Variants in CNGA4 observed in about 807,000 individuals in gnomAD.
The protein encoded by CNGA4 is cyclic nucleotide gated channel subunit alpha 4, also known as cyclic nucleotide-gated channel alpha-4.
In CNGA4, 32 loss-of-function variants were observed where a neutral mutation model predicts 45.6. The observed-to-expected ratio is 0.70, with a 90% CI of 0.53 to 0.94. The LOEUF (loss-of-function observed/expected upper bound fraction) is 0.94, where lower values mean the gene tolerates loss of function less well. Ranked by LOEUF, CNGA4 falls within the 40% of genes least tolerant of loss-of-function variation. The pLI, the probability that CNGA4 is intolerant of heterozygous loss-of-function variation, is 0.00. For missense variants in CNGA4, 726 were observed against 755.1 expected (o/e 0.96, Z 0.45); for synonymous variants, 293 against 304.6 (o/e 0.96, Z 0.40).
Position 6,243,945 on chromosome 11 carries a change from A to C in CNGA4, c.1268-4A>C. The C allele has an allele frequency of 1.9e-6, 3 of 1,610,928 alleles. No individual in the cohort carries two copies. The highest frequency in any genetic ancestry group is 2.5e-6 in the Non-Finnish European group (3 of 1,178,078). On this transcript the variant is annotated splice_region_variant and splice_polypyrimidine_tract_variant and intron_variant, in intron 5 of 5. Transcript: ENST00000379936. ...GTCCTCCCATCTCTGCCCATGAGCC[A>C]CAGGGAACATGTCTGGGAACCGCCG...
upstream of CNGA4, among the ~76,000 whole-genome samples, chr11:6,237,459 G>A (rs57528411): frequency 0.094 from 14,225 of 151,976 alleles, 1,079 homozygotes; most frequent in East Asian, 0.24. Flanking sequence ...GTTCTCGGGA[G>A]CCACTATATG....
At chr11:6,243,154 C>T (rs1033464609) in intron 5 of CNGA4, among the ~76,000 whole-genome samples, 4 of 152,160 alleles carry the variant, frequency 2.6e-5, no homozygotes, top group African/African-American at 7.2e-5. Flanking sequence ...CCCACTTGTC[C>T]CCCTCCTCCC....
Position 6,239,366 on chromosome 11 carries a change from A to G in CNGA4, c.63-18A>G, listed in dbSNP as rs1350395344. 4 of 1,613,876 alleles carry G rather than the reference A, an allele frequency of 2.5e-6. No homozygotes were observed. The East Asian group carries it at 8.9e-5, about 36-fold the overall frequency. On this transcript the variant is annotated intron_variant, in intron 1 of 5. Coordinates refer to ENST00000379936, the MANE Select transcript of CNGA4 (RefSeq NM_001037329.4). ...GAATGCCTGGTGAATAAATGAAGCAAGACTTTCTTTCTTACAGGAAGTTGC... is the reference window on the plus strand; with the variant it reads ...GAATGCCTGGTGAATAAATGAAGCAGGACTTTCTTTCTTACAGGAAGTTGC...
chr11:6,240,203 C>T lies in CNGA4; in HGVS notation c.409C>T (p.Pro137Ser). The change falls in exon 4 of 6, where the codon CCC becomes TCC. Residue 137 changes from proline to serine, a missense_variant. Coordinates refer to ENST00000379936, the MANE Select transcript of CNGA4 (RefSeq NM_001037329.4). The surrounding 1 kb of genome is among the most constrained non-coding windows in gnomAD (Gnocchi z 4.9). ...CTACGTGCGGCTGGGCCCGCACACA[C>T]CCACCCTGAGGCTGAACCGCTTTCT... ...VVYVRLGPHTPTLRLNRFLRA... is the reference protein window; with the variant it reads ...VVYVRLGPHTSTLRLNRFLRA... 6.2e-7 allele frequency: 1 copy of T among 1,614,236 alleles called. No homozygotes were observed. The highest frequency in any genetic ancestry group is 8.5e-7 in the Non-Finnish European group (1 of 1,180,048).
rs1247004691 is a variant in CNGA4, at chr11:6,241,647, A to G, written c.1134A>G (p.Lys378=). ...TYSPGEYVCR[K]GDIGQEMYII... ...CACCAGGTGAATATGTATGCCGCAA[A>G]GGAGACATTGGCCAAGAGATGTACA... Residue 378 remains lysine (K), a synonymous_variant, in exon 5 of 6, where the codon AAA becomes AAG. Coordinates refer to ENST00000379936, the MANE Select transcript of CNGA4 (RefSeq NM_001037329.4). The G allele has an allele frequency of 1.9e-6, 3 of 1,614,218 alleles. No homozygotes were observed. The highest frequency in any genetic ancestry group is 4.5e-5 in the East Asian group (2 of 44,876).
intron 5 of CNGA4, among the ~76,000 whole-genome samples, chr11:6,243,378 G>A (rs1847944897): frequency 1.3e-5 from 2 of 152,186 alleles, no homozygotes; most frequent in South Asian, 2.1e-4. Context: ...GAGCAGGCAT[G>A]TCACACGGTG....
chr11:6,242,048 T>C (rs568279462), intron 5 of CNGA4: 2 of 537,368 alleles, frequency 3.7e-6, no homozygotes, highest in African/African-American at 1.9e-5. Context: ...GAAGCACCAA[T>C]AGACTAGTGG....
rs1847920472 is a variant in CNGA4, at chr11:6,241,636, G to A, written c.1123G>A (p.Val375Ile). The change falls in exon 5 of 6, where the codon GTA becomes ATA. Residue 375 changes from valine (V) to isoleucine (I), a missense_variant. Val to Ile is a conservative substitution (Grantham distance 29). Transcript: ENST00000379936. ...QPQTYSPGEY[V>I]CRKGDIGQEM... ...CCAGACCTACTCACCAGGTGAATAT[G>A]TATGCCGCAAAGGAGACATTGGCCA... The A allele has an allele frequency of 6.2e-6, 10 of 1,614,236 alleles. No homozygotes were observed. The highest frequency in any genetic ancestry group is 1.7e-5 in the Admixed American group (1 of 60,032).
rs1847955999 is a variant in CNGA4, at chr11:6,244,112, G to A, written c.1431G>A (p.Lys477=). The A allele has an allele frequency of 1.2e-6, 2 of 1,614,240 alleles. No individual in the cohort carries two copies. Among genetic ancestry groups the A allele is most frequent in the Non-Finnish European group, 1.7e-6 (2 of 1,180,044 alleles). ...GTGAGATCCTGCTGAAAATGAACAA[G>A]TTGGACGTGAATGCTGAGGCAGCTG... ...KGREILLKMN[K]LDVNAEAAEI... The change falls in exon 6 of 6, where the codon AAG becomes AAA. Residue 477 remains lysine (K), a synonymous_variant. Transcript: ENST00000379936. This position sits in a 1 kb window ranked among gnomAD's most constrained non-coding sequence, Gnocchi z 4.5.
Position 6,244,215 on chromosome 11 carries a change from G to T in CNGA4, c.1534G>T (p.Ala512Ser), listed in dbSNP as rs1167675913. The change falls in exon 6 of 6, where the codon GCT (alanine) becomes TCT (serine). Residue 512 changes from alanine to serine, a missense_variant. Coordinates refer to ENST00000379936, the MANE Select transcript of CNGA4 (RefSeq NM_001037329.4). This position sits in a 1 kb window ranked among gnomAD's most constrained non-coding sequence, Gnocchi z 4.5. ...GCTGGATGATCTACAGACCAAGTTT[G>T]CTCGCCTCCTGGCTGAGCTGGAGTC... ...QQLDDLQTKF[A>S]RLLAELESSA... The T allele has an allele frequency of 3.1e-6, 5 of 1,614,130 alleles. No homozygotes were observed. Among genetic ancestry groups the T allele is most frequent in the African/African-American group, 1.3e-5 (1 of 74,946 alleles).
upstream of CNGA4, among the ~76,000 whole-genome samples, chr11:6,237,333 T>C (rs1350687030): frequency 6.6e-6 from 1 of 151,808 alleles, no homozygotes; most frequent in East Asian, 1.9e-4. Context: ...GAAGAAAAAG[T>C]GGAGGAAGAT....
In CNGA4 at chr11:6,240,025, G is replaced by T; in HGVS notation, c.272-41G>T. On this transcript the variant is annotated intron_variant, in intron 3 of 5. Transcript: ENST00000379936. The surrounding 1 kb of genome is among the most constrained non-coding windows in gnomAD (Gnocchi z 4.9). The stretch of plus-strand genomic sequence containing the variant: ...GGCAGCTCATGCTCAGCCCAAGCTT[G>T]ACTACAGCAGGTCCGCTTCCTACCG... The T allele has an allele frequency of 6.4e-7, 1 of 1,569,240 alleles. No individual in the cohort carries two copies. The highest frequency in any genetic ancestry group is 1.2e-5 in the South Asian group (1 of 82,426).
Position 6,240,474 on chromosome 11 carries a change from T to C in CNGA4, c.680T>C (p.Leu227Pro). ...QYLYSFYFST[L>P]ILTTVGDTPP... ...CTCTATAGCTTTTACTTCTCCACGC[T>C]GATACTGACTACAGTGGGCGATACA... is the stretch of plus-strand genomic sequence containing the variant. The change falls in exon 4 of 6, where the codon CTG (leucine) becomes CCG (proline). Residue 227 changes from leucine to proline, a missense_variant. Coordinates refer to ENST00000379936, the MANE Select transcript of CNGA4 (RefSeq NM_001037329.4). This position sits in a 1 kb window ranked among gnomAD's most constrained non-coding sequence, Gnocchi z 4.9. The C allele has an allele frequency of 1.2e-6, 2 of 1,614,220 alleles. No homozygotes were observed. Among genetic ancestry groups the C allele is most frequent in the Non-Finnish European group, 1.7e-6 (2 of 1,180,044 alleles).
At chr11:6,244,906 T>C (rs1348601260), downstream of CNGA4, among the ~76,000 whole-genome samples, 1 of 152,200 alleles carries the variant, frequency 6.6e-6, no homozygotes, top group Non-Finnish European at 1.5e-5. This position sits in a 1 kb window ranked among gnomAD's most constrained non-coding sequence, Gnocchi z 4.5. Context: ...CTTTTGAATG[T>C]TTCCCATATG....
Position 6,240,271 on chromosome 11 carries a change from C to A in CNGA4, c.477C>A (p.Thr159=). The part of the protein sequence containing the change: ...RLFEAFDRTE[T]RTAYPNAFRI... ...TCGAGGCCTTCGACCGCACAGAGAC[C>A]CGCACAGCTTACCCAAATGCCTTTC... is the stretch of plus-strand genomic sequence containing the variant. Residue 159 remains threonine, a synonymous_variant, in exon 4 of 6, where the codon ACC becomes ACA. Transcript: ENST00000379936. The surrounding 1 kb of genome is among the most constrained non-coding windows in gnomAD (Gnocchi z 4.9). 1 of 1,614,228 alleles carries A rather than the reference C, an allele frequency of 6.2e-7. No homozygotes were observed. Among genetic ancestry groups the A allele is most frequent in the African/African-American group, 1.3e-5 (1 of 75,070 alleles).
upstream of CNGA4, chr11:6,238,944 G>A (rs181180127): frequency 2.3e-4 from 215 of 950,992 alleles, no homozygotes; most frequent in African/African-American, 3.2e-3. Context: ...CCTTCTCCAG[G>A]GATCTCATTA....
chr11:6,236,684 G>A (rs1564875706), upstream of CNGA4, among the ~76,000 whole-genome samples: 1 of 152,122 alleles, frequency 6.6e-6, no homozygotes, highest in Non-Finnish European at 1.5e-5. Context: ...CTGAGTGCTT[G>A]GTTATATGGG....
At position 6,239,559 on chromosome 11, in the gene CNGA4, C is replaced by T; in HGVS notation, c.164+74C>T. The T allele has an allele frequency of 1.9e-6, 3 of 1,570,214 alleles. No individual in the cohort carries two copies. In the South Asian group the frequency reaches 3.3e-5, roughly 17 times the overall value. ...AAGAGAGGTCAAGGAGAAGGGCAGA[C>T]CCTTGGTGGGGCAGGAGGAGCAATT... is the stretch of plus-strand genomic sequence containing the variant. On this transcript the variant is annotated intron_variant, in intron 2 of 5. Transcript: ENST00000379936.
Position 6,241,635 on chromosome 11 carries a change from T to G in CNGA4, c.1122T>G (p.Tyr374Ter). 1 of 1,614,180 alleles carries G rather than the reference T, an allele frequency of 6.2e-7. No homozygotes were observed. The highest frequency in any genetic ancestry group is 1.1e-5 in the South Asian group (1 of 91,082). The change falls in exon 5 of 6, where the codon TAT (tyrosine) becomes TAG (stop). Residue 374 changes from tyrosine to a stop codon, truncating the protein, a stop_gained. Coordinates refer to ENST00000379936, the MANE Select transcript of CNGA4 (RefSeq NM_001037329.4). LOFTEE classifies it high-confidence loss of function. ...CCCAGACCTACTCACCAGGTGAATA[T>G]GTATGCCGCAAAGGAGACATTGGCC... ...LQPQTYSPGE[Y>*]VCRKGDIGQE...
Sources: gnomAD v4.1 joint callset for allele counts (sites outside exome capture counted in the v4.1 genomes callset) on GRCh38, gnomAD v4.1.1 for gene constraint, Gnocchi (gnomAD v3.1) non-coding constraint, MANE v1.5 for transcripts, NCBI Gene and HGNC (gene_info 2026-07-23, HGNC 2026-07-21) for gene names.